Variants in GLP2R observed in about 807,000 individuals in gnomAD.
The protein encoded by GLP2R is glucagon-like peptide 2 receptor.
Under a neutral mutation model 68.2 loss-of-function variants are expected in GLP2R, and 59 were observed. That is an observed-to-expected ratio of 0.87 (90% confidence interval 0.70 to 1.07). The LOEUF (loss-of-function observed/expected upper bound fraction) is 1.07. GLP2R is among the 50% of genes least tolerant of loss of function. The probability of loss-of-function intolerance (pLI) is 0.00; values close to 1 mark genes in which losing one functional copy is unlikely to be tolerated. For missense variants in GLP2R, 548 were observed against 677.4 expected (o/e 0.81, Z 2.12); for synonymous variants, 270 against 265.4 (o/e 1.02, Z -0.17).
intron 9 of GLP2R, among the ~76,000 whole-genome samples, chr17:9,869,465 A>C (rs916244268): frequency 1.3e-5 from 2 of 152,170 alleles, no homozygotes; most frequent in Non-Finnish European, 1.5e-5. Context: ...AGCTCTACCC[A>C]AACCCAGCCA....
intron 10 of GLP2R, among the ~76,000 whole-genome samples, chr17:9,876,177 C>T (rs72822195): frequency 0.035 from 5,265 of 152,198 alleles, 137 homozygotes; most frequent in Middle Eastern, 0.068. Flanking sequence ...GCGCCCGGCC[C>T]GACAAGCATT....
chr17:9,873,829 G>A (rs2067120038), intron 10 of GLP2R, among the ~76,000 whole-genome samples: 1 of 152,012 alleles, frequency 6.6e-6, no homozygotes, highest in Non-Finnish European at 1.5e-5. Context: ...AAACAGAAAG[G>A]TGGCCAACGA....
chr17:9,886,871 T>A (rs1335682583), intron 11 of GLP2R, among the ~76,000 whole-genome samples: 8 of 152,168 alleles, frequency 5.3e-5, no homozygotes, highest in African/African-American at 1.9e-4. Context: ...TGGAAATGCA[T>A]CCTTTCCTTG....
At chr17:9,854,669 T>G in intron 5 of GLP2R, 68 bp downstream of exon 5, 3 of 913,960 alleles carry the variant, frequency 3.3e-6, no homozygotes, top group Non-Finnish European at 1.8e-6. Context: ...ACAGGGGATA[T>G]GTTCTAAGAG....
chr17:9,851,933 T>C (rs1219525700), intron 4 of GLP2R, among the ~76,000 whole-genome samples: 1 of 151,082 alleles, frequency 6.6e-6, no homozygotes, highest in Non-Finnish European at 1.5e-5. Context: ...ATGAGTCAAG[T>C]AAAAAAGTAT....
chr17:9,873,597 T>C (rs1272662783), intron 10 of GLP2R, among the ~76,000 whole-genome samples: 1 of 142,354 alleles, frequency 7.0e-6, no homozygotes, highest in East Asian at 2.0e-4. Context: ...CAGCTATTGT[T>C]AGTGTTAGTT....
chr17:9,850,296 G>A (rs2066879768), intron 4 of GLP2R, among the ~76,000 whole-genome samples: 1 of 152,192 alleles, frequency 6.6e-6, no homozygotes, highest in African/African-American at 2.4e-5. Flanking sequence ...ACAAAATCCT[G>A]TAAAAAAGTA....
At chr17:9,852,395 A>G (rs1249099155) in intron 4 of GLP2R, among the ~76,000 whole-genome samples, 7 of 152,196 alleles carry the variant, frequency 4.6e-5, no homozygotes, top group African/African-American at 1.7e-4. Context: ...TGCAAAGGAC[A>G]TGAACTCATT....
intron 10 of GLP2R, among the ~76,000 whole-genome samples, chr17:9,879,882 C>G (rs2067180109): frequency 6.6e-6 from 1 of 152,158 alleles, no homozygotes; most frequent in African/African-American, 2.4e-5. Flanking sequence ...CCACATCCAG[C>G]CCGAGGTTTA....
chr17:9,857,893 T>C (rs2066948961), intron 6 of GLP2R, among the ~76,000 whole-genome samples: 1 of 152,214 alleles, frequency 6.6e-6, no homozygotes, highest in Admixed American at 6.5e-5. Flanking sequence ...ATCCGTGAGT[T>C]CTGCATTCAT....
At chr17:9,861,761 T>C (rs751260999) in intron 8 of GLP2R, among the ~76,000 whole-genome samples, 1 of 152,172 alleles carries the variant, frequency 6.6e-6, no homozygotes, top group Non-Finnish European at 1.5e-5. Context: ...TGTATGAACA[T>C]GGAGGAAAAT....
chr17:9,852,685 GT>G, intron 4 of GLP2R: 2 of 221,626 alleles, frequency 9.0e-6, no homozygotes, highest in Middle Eastern at 1.7e-3. Context: ...GGTGTTGATG[GT>G]TTTGAGTCTT....
At chr17:9,833,543 G>A (rs1044114901) in intron 1 of GLP2R, among the ~76,000 whole-genome samples, 14 of 152,242 alleles carry the variant, frequency 9.2e-5, no homozygotes, top group East Asian at 5.8e-4. Context: ...AGAATTTTGC[G>A]TACTCTTGAA....
intron 2 of GLP2R, chr17:9,834,687 G>C (rs1457365557): frequency 6.6e-6 from 1 of 152,322 alleles, no homozygotes; most frequent in Non-Finnish European, 1.5e-5. Context: ...CCTTGAGATT[G>C]ACAGGACACT....
rs1259497948 is a variant in GLP2R, at chr17:9,842,541, G to T, written c.429G>T (p.Trp143Cys). Residue 143 changes from tryptophan (W) to cysteine (C), a missense_variant, in exon 4 of 13, where the codon TGG becomes TGT. Physicochemically the swap from Trp to Cys is radical, Grantham distance 215. Coordinates refer to ENST00000262441, the MANE Select transcript of GLP2R (RefSeq NM_004246.3). ...GACACTGCTTGGCTCAGGGGACTTG[G>T]CAGACGATAGAGAACGCCACGGATA... ...AYRHCLAQGT[W>C]QTIENATDIW... The T allele has an allele frequency of 6.2e-7, 1 of 1,614,044 alleles. No homozygotes were observed. The highest frequency in any genetic ancestry group is 1.1e-5 in the South Asian group (1 of 91,078).
chr17:9,833,882 A>G lies in GLP2R; in HGVS notation c.265A>G (p.Lys89Glu). Reference sequence around the variant, plus strand: ...ACAGGCATGTCTGAGAGACTTACTCAAGGAACCTTCTGGTAAGCATGTGTA... The same window carrying G: ...ACAGGCATGTCTGAGAGACTTACTCGAGGAACCTTCTGGTAAGCATGTGTA... ...YKQACLRDLLKEPSGIFCNGT... is the reference protein window; with the variant it reads ...YKQACLRDLLEEPSGIFCNGT... The change falls in exon 2 of 13, where the codon AAG (lysine) becomes GAG (glutamate). Residue 89 changes from lysine to glutamate, a missense_variant. Coordinates refer to ENST00000262441, the MANE Select transcript of GLP2R (RefSeq NM_004246.3). The G allele has an allele frequency of 6.2e-7, 1 of 1,608,260 alleles. No individual in the cohort carries two copies. The highest frequency in any genetic ancestry group is 8.5e-7 in the Non-Finnish European group (1 of 1,174,586).
intron 3 of GLP2R, among the ~76,000 whole-genome samples, chr17:9,841,891 A>T (rs1328730093): frequency 6.6e-6 from 1 of 152,172 alleles, no homozygotes; most frequent in Non-Finnish European, 1.5e-5. Context: ...CCTGGGATAG[A>T]TGTGACTGAG....
At chr17:9,858,476 A>G (rs995655114) in intron 6 of GLP2R, among the ~76,000 whole-genome samples, 6 of 152,214 alleles carry the variant, frequency 3.9e-5, no homozygotes, top group African/African-American at 1.4e-4. Flanking sequence ...GTTGGGGATC[A>G]AATTTGTGCT....
intron 10 of GLP2R, among the ~76,000 whole-genome samples, chr17:9,876,142 G>A (rs920994403): frequency 2.0e-5 from 3 of 152,190 alleles, no homozygotes; most frequent in Non-Finnish European, 4.4e-5. Flanking sequence ...CTCCCAAAGT[G>A]CTGGGATTAT....
Sources: gnomAD v4.1 joint callset for allele counts (sites outside exome capture counted in the v4.1 genomes callset) on GRCh38, gnomAD v4.1.1 for gene constraint, MANE v1.5 for transcripts, NCBI Gene and HGNC (gene_info 2026-07-23, HGNC 2026-07-21) for gene names.